JOSD2: variants seen among roughly 807,000 people sequenced by gnomAD.
JOSD2 encodes the protein josephin-2.
JOSD2 carries 20 observed loss-of-function variants against 19.3 expected under a neutral mutation model. That is an observed-to-expected ratio of 1.04 (90% CI 0.73 to 1.51). The LOEUF (loss-of-function observed/expected upper bound fraction) is 1.51. Among genes scored for constraint, JOSD2 ranks in the 40% most tolerant of loss-of-function variants. The pLI, the probability that JOSD2 is intolerant of heterozygous loss-of-function variation, is 0.00. For missense variants in JOSD2, 215 were observed against 250.4 expected (o/e 0.86, Z 0.95); for synonymous variants, 118 against 123.7 (o/e 0.95, Z 0.31).
At chr19:50,507,102 A>ACACCCC (rs1979411831) in intron 3 of JOSD2, among the ~76,000 whole-genome samples, 1 of 15,872 alleles carries the variant, frequency 6.3e-5, no homozygotes. Flanking sequence ...ACCACCCACC[A>ACACCCC]CCCACCCACC....
intron 1 of JOSD2, 23 bp from the exon 2 acceptor site, chr19:50,510,471 G>C (rs376658587): frequency 2.6e-6 from 4 of 1,567,826 alleles, no homozygotes; most frequent in Non-Finnish European, 3.4e-6. Context: ...AGGGGGAGAA[G>C]GTCCTCAGGG....
At position 50,510,379 on chromosome 19, in the gene JOSD2, CGTTCGT is replaced by C; in HGVS notation, c.47_52del (p.His16_Glu17del). The stretch of plus-strand genomic sequence containing the variant: ...GACAGCACACAGCTCCAGGCGCTGC[CGTTCGT>C]GGTACACGGTGGGTGGGCTCGGCTG... On this transcript the variant is annotated inframe_deletion, in exon 2 of 5. Transcript: ENST00000598418. The C allele has an allele frequency of 1.9e-6, 3 of 1,613,490 alleles. No homozygotes were observed. In the Middle Eastern group the frequency reaches 5.0e-4, roughly 266 times the overall value.
At chr19:50,509,146 C>T (rs111333660) in intron 2 of JOSD2, among the ~76,000 whole-genome samples, 3,281 of 149,424 alleles carry the variant, frequency 0.022, 115 homozygotes, top group African/African-American at 0.076. Context: ...CTCTGTTGCC[C>T]GGCTCACTGA....
intron 3 of JOSD2, among the ~76,000 whole-genome samples, chr19:50,507,293 C>T (rs1979432789): frequency 6.6e-6 from 1 of 151,840 alleles, no homozygotes; most frequent in South Asian, 2.1e-4. Flanking sequence ...AACTCCCCAG[C>T]CTCCTGTCTG....
At chr19:50,509,424 A>T (rs1979593871) in intron 2 of JOSD2, among the ~76,000 whole-genome samples, 1 of 152,038 alleles carries the variant, frequency 6.6e-6, no homozygotes, top group South Asian at 2.1e-4. Flanking sequence ...TGAATAGTGA[A>T]GAGGAACATT....
At chr19:50,507,540 G>C (rs768711896) in intron 3 of JOSD2, 34 bp downstream of exon 3, 4 of 1,579,908 alleles carry the variant, frequency 2.5e-6, no homozygotes, top group Non-Finnish European at 3.4e-6. Context: ...CTCTGTGCCC[G>C]GCCCAGCACA....
At chr19:50,509,103 ATTTTTTT>A (rs34345488) in intron 2 of JOSD2, among the ~76,000 whole-genome samples, 3 of 115,166 alleles carry the variant, frequency 2.6e-5, no homozygotes, top group African/African-American at 3.5e-5. Flanking sequence ...TAAAGGAGTG[ATTTTTTT>A]TTTTTTTTTT....
intron 3 of JOSD2, 76 bp downstream of exon 3, chr19:50,507,497 CT>C: frequency 6.6e-7 from 1 of 1,508,920 alleles, no homozygotes; most frequent in Non-Finnish European, 8.8e-7. Flanking sequence ...ATTCCCCTCC[CT>C]GCCCCCCAAC....
intron 1 of JOSD2, 146 bp downstream of exon 1, chr19:50,510,971 G>A: frequency 2.5e-6 from 1 of 394,404 alleles, no homozygotes; most frequent in South Asian, 1.7e-5. Flanking sequence ...TGGCAACGGG[G>A]CCCCCTCCCC....
intron 2 of JOSD2, chr19:50,510,064 A>AAAAAAAAAAAAG (rs1203946466): frequency 2.2e-6 from 1 of 464,222 alleles, no homozygotes; most frequent in South Asian, 2.5e-5. Flanking sequence ...AAAAAAAAAA[A>AAAAAAAAAAAAG]AAAGAAAGAA....
In JOSD2 at chr19:50,507,708, G is replaced by A. The variant is rs1979468330; in HGVS notation, c.147-9C>T. The A allele has an allele frequency of 6.2e-7, 1 of 1,608,700 alleles. No individual in the cohort carries two copies. The highest frequency in any genetic ancestry group is 1.3e-5 in the African/African-American group (1 of 74,850). ...GGGAGTCTGGGGCCAACCTGGTAGTGGGGGTGGCCAGAGCTGAGGTGGGGA... is the reference window on the plus strand; with the variant it reads ...GGGAGTCTGGGGCCAACCTGGTAGTAGGGGTGGCCAGAGCTGAGGTGGGGA... On this transcript the variant is annotated splice_polypyrimidine_tract_variant and intron_variant, in intron 2 of 4. Coordinates refer to ENST00000598418, the MANE Select transcript of JOSD2 (RefSeq NM_001270639.2).
At chr19:50,510,067 A>AAAAAAAAAAT in intron 2 of JOSD2, 5 of 470,488 alleles carry the variant, frequency 1.1e-5, no homozygotes, top group East Asian at 7.8e-5. Context: ...AAAAAAAAAA[A>AAAAAAAAAAT]GAAAGAACCA....
Position 50,506,041 on chromosome 19 carries a change from G to C in JOSD2, c.*132C>G, listed in dbSNP as rs897632278. ...TTATTGAGGCAGCAGCGGCAGTGGG[G>C]AGCAGGGGTGTGGGGAGGGGGCGGG... On this transcript the variant is annotated 3_prime_UTR_variant, in exon 5 of 5. Coordinates refer to ENST00000598418, the MANE Select transcript of JOSD2 (RefSeq NM_001270639.2). The C allele has an allele frequency of 9.2e-6, 7 of 759,368 alleles. No individual in the cohort carries two copies. Among genetic ancestry groups the C allele is most frequent in the Non-Finnish European group, 1.5e-5 (7 of 470,040 alleles). 47.0% of individuals were successfully genotyped at this position (759,368 alleles called of 1,614,324 possible).
At chr19:50,510,230 G>A (rs1459067507) in intron 2 of JOSD2, 56 bp downstream of exon 2, 11 of 1,608,506 alleles carry the variant, frequency 6.8e-6, no homozygotes, top group Non-Finnish European at 9.3e-6. Flanking sequence ...CGAGACCCAG[G>A]TGGGTCACTC....
intron 2 of JOSD2, among the ~76,000 whole-genome samples, chr19:50,509,535 G>T (rs1362059836): frequency 6.6e-6 from 1 of 152,178 alleles, no homozygotes; most frequent in African/African-American, 2.4e-5. Flanking sequence ...CTGGTTTGAG[G>T]GGGGCCGTGA....
At position 50,510,260 on chromosome 19, in the gene JOSD2, CA is replaced by C. The variant is rs1979697601; in HGVS notation, c.146+25del. 6 of 1,612,996 alleles carry C rather than the reference CA, an allele frequency of 3.7e-6. No homozygotes were observed. In the Middle Eastern group the frequency reaches 6.6e-4, roughly 177 times the overall value. ...TCACTCCGCCAGAGCTCTGCTGCTC[CA>C]GGGGCTGGGGTGGGTGACGGTCACC... On this transcript the variant is annotated intron_variant, in intron 2 of 4. Coordinates refer to ENST00000598418, the MANE Select transcript of JOSD2 (RefSeq NM_001270639.2).
Position 50,510,269 on chromosome 19 carries a change from G to C in JOSD2, c.146+17C>G. 3 of 1,613,146 alleles carry C rather than the reference G, an allele frequency of 1.9e-6. No homozygotes were observed. Among genetic ancestry groups the C allele is most frequent in the Non-Finnish European group, 2.5e-6 (3 of 1,179,954 alleles). Reference sequence around the variant, plus strand: ...CAGAGCTCTGCTGCTCCAGGGGCTGGGGTGGGTGACGGTCACCTCTTGCAG... The same window carrying C: ...CAGAGCTCTGCTGCTCCAGGGGCTGCGGTGGGTGACGGTCACCTCTTGCAG... On this transcript the variant is annotated intron_variant, in intron 2 of 4. Coordinates refer to ENST00000598418, the MANE Select transcript of JOSD2 (RefSeq NM_001270639.2).
At chr19:50,510,849 T>C (rs1013902290) in intron 1 of JOSD2, among the ~76,000 whole-genome samples, 1 of 150,612 alleles carries the variant, frequency 6.6e-6, no homozygotes, top group Non-Finnish European at 1.5e-5. Flanking sequence ...CACCTAGCAA[T>C]AGAGAATCCT....
intron 3 of JOSD2, 135 bp from the exon 4 acceptor site, chr19:50,506,707 A>C: frequency 1.3e-6 from 1 of 772,110 alleles, no homozygotes. Context: ...TTAATCAGCC[A>C]CCCTGGTTCC....
Sources: gnomAD v4.1 joint callset for allele counts (sites outside exome capture counted in the v4.1 genomes callset) on GRCh38, gnomAD v4.1.1 for gene constraint, MANE v1.5 for transcripts, NCBI Gene and HGNC (gene_info 2026-07-23, HGNC 2026-07-21) for gene names.